Variants in AGL observed in about 807,000 individuals in gnomAD.
AGL encodes amylo-alpha-1,6-glucosidase and 4-alpha-glucanotransferase, also known as glycogen debranching enzyme.
A neutral mutation model predicts 199.3 loss-of-function variants in AGL; 128 were observed. The observed-to-expected ratio is 0.64, with a 90% CI of 0.56 to 0.74. The LOEUF is 0.74. Among genes scored for constraint, AGL ranks in the 30% least tolerant of loss-of-function variants. The pLI is 0.00. For missense variants in AGL, 1,809 were observed against 1,820.8 expected (o/e 0.99, Z 0.12); for synonymous variants, 584 against 594.7 (o/e 0.98, Z 0.26).
chr1:99,880,526 A>AAT (rs1651925665), intron 13 of AGL, 106 bp from the exon 14 acceptor site: 1 of 1,282,466 alleles, frequency 7.8e-7, no homozygotes, highest in East Asian at 2.4e-5. Context: ...TATTTTTTAT[A>AAT]ATATTGATGT....
chr1:99,897,474 G>A (rs1202785853), intron 25 of AGL, among the ~76,000 whole-genome samples: 2 of 152,192 alleles, frequency 1.3e-5, no homozygotes, highest in Admixed American at 6.5e-5. Flanking sequence ...ACTGAAGTTT[G>A]CATCTTTACA....
At position 99,922,672 on chromosome 1, in the gene AGL, ACAT is replaced by A. The variant is rs1330673648; in HGVS notation, c.*1022_*1024del. 1 of 151,952 alleles carries A rather than the reference ACAT, an allele frequency of 6.6e-6. No homozygotes were observed. The highest frequency in any genetic ancestry group is 2.4e-5 in the African/African-American group (1 of 41,442). The allele number at this position is 151,952 out of a possible 1,614,324, so 9.4% of individuals were successfully genotyped here. On this transcript the variant is annotated 3_prime_UTR_variant, in exon 34 of 34. Transcript: ENST00000361915. ...AGTCACAAAAGGAAAAAGGTTTTTA[ACAT>A]TTACATGAGTTAACATTTTTTCATA...
chr1:99,917,928 T>C (rs1447684361), intron 33 of AGL, among the ~76,000 whole-genome samples: 3 of 152,170 alleles, frequency 2.0e-5, no homozygotes, highest in African/African-American at 7.2e-5. Context: ...TATGTTTTAA[T>C]GATCTTTAAA....
intron 27 of AGL, among the ~76,000 whole-genome samples, chr1:99,908,425 A>G (rs916173535): frequency 2.6e-5 from 4 of 152,108 alleles, no homozygotes; most frequent in Non-Finnish European, 5.9e-5. Flanking sequence ...CTTTGTAGTA[A>G]GTTTTGAAAT....
chr1:99,880,284 A>G (rs1651905530), intron 13 of AGL, among the ~76,000 whole-genome samples: 1 of 152,232 alleles, frequency 6.6e-6, no homozygotes, highest in Non-Finnish European at 1.5e-5. Context: ...CTGAAGACTC[A>G]CTAACAAAAC....
At position 99,881,300 on chromosome 1, in the gene AGL, G is replaced by A. The variant is rs1342629251; in HGVS notation, c.2010G>A (p.Val670=). Residue 670 remains valine, a synonymous_variant, in exon 16 of 34, where the codon GTG becomes GTA. Coordinates refer to ENST00000361915, the MANE Select transcript of AGL (RefSeq NM_000642.3). The part of the protein sequence containing the change: ...YDELVPHQIS[V]VSEERFYTKW... ...ATTTTACCTTTGTCCAGATTTCAGT[G>A]GTTTCTGAAGAACGGTTTTACACTA... 2 of 1,613,986 alleles carry A rather than the reference G, an allele frequency of 1.2e-6. No homozygotes were observed. Among genetic ancestry groups the A allele is most frequent in the Admixed American group, 1.7e-5 (1 of 59,998 alleles).
intron 17 of AGL, 78 bp from the exon 18 acceptor site, chr1:99,884,042 A>C (rs542655885): frequency 8.0e-7 from 1 of 1,249,404 alleles, no homozygotes; most frequent in African/African-American, 1.5e-5. Context: ...AAGTTAAATG[A>C]TTTGAAACCA....
intron 30 of AGL, 130 bp downstream of exon 30, chr1:99,913,868 A>G (rs920105024): frequency 1.1e-6 from 1 of 884,854 alleles, no homozygotes; most frequent in Non-Finnish European, 1.8e-6. Flanking sequence ...CTAGTTTTAA[A>G]TAGTCTTTCC....
chr1:99,916,209 T>A (rs1356455960), intron 31 of AGL, among the ~76,000 whole-genome samples: 1 of 152,196 alleles, frequency 6.6e-6, no homozygotes, highest in African/African-American at 2.4e-5. Context: ...TTGTTAATCA[T>A]TTTTAACACA....
chr1:99,910,957 A>C, intron 28 of AGL, 110 bp downstream of exon 28: 1 of 1,210,456 alleles, frequency 8.3e-7, no homozygotes, highest in Non-Finnish European at 1.2e-6. Context: ...AGTCAATCAA[A>C]ATTTCCCTGC....
intron 33 of AGL, 53 bp from the exon 34 acceptor site, chr1:99,921,481 T>C: frequency 7.6e-7 from 1 of 1,317,502 alleles, no homozygotes; most frequent in Non-Finnish European, 1.1e-6. Context: ...CTTGCCTATT[T>C]TGTTAATATG....
chr1:99,894,633 T>G (rs1470043274), intron 24 of AGL, among the ~76,000 whole-genome samples: 1 of 152,172 alleles, frequency 6.6e-6, no homozygotes. Flanking sequence ...AAAGGTCTAA[T>G]TCTTATCTTT....
At chr1:99,915,621 A>G (rs1174649876) in intron 31 of AGL, 135 bp downstream of exon 31, 8 of 719,780 alleles carry the variant, frequency 1.1e-5, no homozygotes, top group African/African-American at 5.4e-5. Context: ...TAAAAAAAAA[A>G]TTAGTTGGGA....
intron 28 of AGL, among the ~76,000 whole-genome samples, chr1:99,911,854 G>A (rs938200850): frequency 3.3e-5 from 5 of 152,102 alleles, no homozygotes; most frequent in African/African-American, 2.4e-5. Flanking sequence ...AGGTTGAGGT[G>A]GGAGGATAGC....
At chr1:99,880,873 A>C (rs1163686047) in intron 14 of AGL, 78 bp downstream of exon 14, 12 of 1,482,104 alleles carry the variant, frequency 8.1e-6, no homozygotes, top group Admixed American at 1.7e-5. Context: ...GGTCACAATC[A>C]TACCCATATA....
In AGL at chr1:99,851,104, C is replaced by T; in HGVS notation, c.62C>T (p.Thr21Ile). The T allele has an allele frequency of 6.2e-7, 1 of 1,613,976 alleles. No individual in the cohort carries two copies. The highest frequency in any genetic ancestry group is 8.5e-7 in the Non-Finnish European group (1 of 1,179,908). ...AACGAAATGGAGAAACTGGAAAAGACCCTCTTCAGACTTGAACAAGGTCAG... is the reference window on the plus strand; with the variant it reads ...AACGAAATGGAGAAACTGGAAAAGATCCTCTTCAGACTTGAACAAGGTCAG... Reference protein sequence around the residue: ...LLNEMEKLEKTLFRLEQGYEL... With the variant: ...LLNEMEKLEKILFRLEQGYEL... Residue 21 changes from threonine (T) to isoleucine (I), a missense_variant, in exon 2 of 34, where the codon ACC (threonine) becomes ATC (isoleucine). Coordinates refer to ENST00000361915, the MANE Select transcript of AGL (RefSeq NM_000642.3).
At chr1:99,900,496 T>C (rs748314670) in intron 25 of AGL, 140 bp from the exon 26 acceptor site, 2 of 771,038 alleles carry the variant, frequency 2.6e-6, no homozygotes, top group Middle Eastern at 3.5e-4. Context: ...ATACTATGAC[T>C]ACTTTCTACA....
intron 27 of AGL, among the ~76,000 whole-genome samples, chr1:99,910,460 T>C (rs1375406677): frequency 6.6e-6 from 1 of 152,124 alleles, no homozygotes; most frequent in African/African-American, 2.4e-5. Context: ...CTTGTACACA[T>C]CTCCATGTGC....
intron 3 of AGL, 65 bp downstream of exon 3, chr1:99,861,778 C>T (rs560672310): frequency 1.4e-5 from 22 of 1,554,796 alleles, no homozygotes; most frequent in Non-Finnish European, 1.9e-5. Context: ...AGTCACCTAA[C>T]TTGTAAATGT....
Sources: gnomAD v4.1 joint callset for allele counts (sites outside exome capture counted in the v4.1 genomes callset) on GRCh38, gnomAD v4.1.1 for gene constraint, MANE v1.5 for transcripts, NCBI Gene and HGNC (gene_info 2026-07-23, HGNC 2026-07-21) for gene names.